Variants in SNX13 observed in about 807,000 individuals in gnomAD.
SNX13 encodes sorting nexin 13.
SNX13 carries 45 observed loss-of-function variants against 133.6 expected under a neutral mutation model. That is an observed-to-expected ratio of 0.34 (90% CI 0.27 to 0.43). SNX13 has a LOEUF of 0.43. Among genes scored for constraint, SNX13 ranks in the 20% least tolerant of loss-of-function variants. The probability of loss-of-function intolerance (pLI) is 1.00; values close to 1 mark genes in which losing one functional copy is unlikely to be tolerated. For missense variants in SNX13, 1,032 were observed against 1,145.1 expected (o/e 0.90, Z 1.43); for synonymous variants, 414 against 373.9 (o/e 1.11, Z -1.24).
At chr7:17,898,568 C>A (rs1398692324) in intron 1 of SNX13, among the ~76,000 whole-genome samples, 1 of 152,146 alleles carries the variant, frequency 6.6e-6, no homozygotes, top group East Asian at 1.9e-4. Context: ...GAAAGAAACA[C>A]AAGCATACCC....
chr7:17,928,344 A>G (rs1036344074), intron 1 of SNX13, among the ~76,000 whole-genome samples: 1 of 152,192 alleles, frequency 6.6e-6, no homozygotes, highest in South Asian at 2.1e-4. Context: ...AAATATATAT[A>G]TTAAGTGCTT....
At chr7:17,940,224 G>T (rs778565759) in intron 1 of SNX13, 60 bp downstream of exon 1, 2 of 1,550,696 alleles carry the variant, frequency 1.3e-6, no homozygotes, top group East Asian at 2.4e-5. Flanking sequence ...GTTCTCTGAC[G>T]GGCTGGCGCC....
At chr7:17,845,057 G>A (rs1371420263) in intron 12 of SNX13, among the ~76,000 whole-genome samples, 3 of 152,144 alleles carry the variant, frequency 2.0e-5, no homozygotes, top group East Asian at 3.9e-4. Context: ...TTGCCACTTC[G>A]TTTCAACATA....
intron 8 of SNX13, among the ~76,000 whole-genome samples, chr7:17,870,709 T>C (rs925419838): frequency 1.3e-5 from 2 of 152,220 alleles, no homozygotes; most frequent in East Asian, 1.9e-4. Flanking sequence ...ATGTGCCAAG[T>C]ATCACGTTAA....
At position 17,792,793 on chromosome 7, in the gene SNX13, A is replaced by G. The variant is rs1783673489; in HGVS notation, c.*1252T>C. On this transcript the variant is annotated 3_prime_UTR_variant, in exon 26 of 26. Transcript: ENST00000428135. ...AGGGATGTGAATACTTCTAAGATGG[A>G]TAAAATGGACAGTCAGAAAACTATA... The G allele has an allele frequency of 6.6e-6, 1 of 152,364 alleles. No individual in the cohort carries two copies. Among genetic ancestry groups the G allele is most frequent in the Non-Finnish European group, 1.5e-5 (1 of 67,874 alleles). 9.4% of individuals were successfully genotyped at this position (152,364 alleles called of 1,614,324 possible).
intron 9 of SNX13, among the ~76,000 whole-genome samples, chr7:17,866,621 C>T (rs1793427444): frequency 6.6e-6 from 1 of 152,004 alleles, no homozygotes; most frequent in African/African-American, 2.4e-5. Context: ...TAACCATGCA[C>T]AGCAGGCCAA....
intron 9 of SNX13, among the ~76,000 whole-genome samples, chr7:17,861,342 T>TCTCACACA (rs1385021153): frequency 1.0e-4 from 15 of 143,242 alleles, no homozygotes; most frequent in Admixed American, 9.1e-4. Context: ...TACAGTTATC[T>TCTCACACA]CACACACACA....
chr7:17,834,611 T>C (rs986533371), intron 14 of SNX13, 150 bp downstream of exon 14: 4 of 473,714 alleles, frequency 8.4e-6, no homozygotes, highest in Non-Finnish European at 1.5e-5. Context: ...AAAATACTGG[T>C]TTACATTTCT....
chr7:17,912,935 A>G (rs183439321), intron 1 of SNX13, among the ~76,000 whole-genome samples: 6 of 152,290 alleles, frequency 3.9e-5, no homozygotes, highest in Admixed American at 2.6e-4. Flanking sequence ...GAGCAGGAAG[A>G]GACTTGTGAA....
intron 1 of SNX13, among the ~76,000 whole-genome samples, chr7:17,924,527 T>C (rs1800510021): frequency 1.3e-5 from 2 of 152,292 alleles, no homozygotes; most frequent in East Asian, 3.9e-4. Context: ...AAATGTAAAA[T>C]AGTGCAGCCA....
At chr7:17,835,801 T>C (rs1464418106) in intron 13 of SNX13, among the ~76,000 whole-genome samples, 1 of 152,006 alleles carries the variant, frequency 6.6e-6, no homozygotes, top group Admixed American at 6.6e-5. Context: ...CAACTTCTAA[T>C]GCCCCACTGT....
At chr7:17,938,438 A>C (rs967277244) in intron 1 of SNX13, among the ~76,000 whole-genome samples, 1 of 152,208 alleles carries the variant, frequency 6.6e-6, no homozygotes, top group Non-Finnish European at 1.5e-5. Flanking sequence ...ACTACTGAAA[A>C]CTATAGGGAA....
At chr7:17,875,926 C>T (rs1794679301) in intron 5 of SNX13, 136 bp from the exon 6 acceptor site, 2 of 637,330 alleles carry the variant, frequency 3.1e-6, no homozygotes, top group Admixed American at 7.1e-5. Context: ...TTCATTATTA[C>T]CTGTTAGTAC....
At chr7:17,937,090 AT>A (rs1037115698) in intron 1 of SNX13, among the ~76,000 whole-genome samples, 6 of 151,358 alleles carry the variant, frequency 4.0e-5, no homozygotes, top group Non-Finnish European at 7.4e-5. Context: ...AAAAAAAAAA[AT>A]ACATACATAA....
intron 8 of SNX13, among the ~76,000 whole-genome samples, chr7:17,871,985 A>G (rs983521517): frequency 2.0e-5 from 3 of 152,174 alleles, no homozygotes; most frequent in African/African-American, 7.2e-5. Context: ...GGCACACAGG[A>G]TATGGAGGTA....
At position 17,839,872 on chromosome 7, in the gene SNX13, T is replaced by C. The variant is rs1406378160; in HGVS notation, c.1294A>G (p.Asn432Asp). Reference sequence around the variant, plus strand: ...GCTCTTAAAAGACCTTTGGTTTGGTTGGTTTGATGTTTTCCATCTCTCTGA... The same window carrying C: ...GCTCTTAAAAGACCTTTGGTTTGGTCGGTTTGATGTTTTCCATCTCTCTGA... ...SRQRDGKHQT[N>D]QTKGLLRAAA... The change falls in exon 13 of 26, where the codon AAC (asparagine) becomes GAC (aspartate). Residue 432 changes from asparagine (N) to aspartate (D), a missense_variant. Physicochemically the swap from Asn to Asp is conservative, Grantham distance 23. Coordinates refer to ENST00000428135, the MANE Select transcript of SNX13 (RefSeq NM_015132.5). 6.2e-7 allele frequency: 1 copy of C among 1,611,746 alleles called. No individual in the cohort carries two copies. Among genetic ancestry groups the C allele is most frequent in the Non-Finnish European group, 8.5e-7 (1 of 1,178,618 alleles).
chr7:17,899,105 A>T (rs1797537006), intron 1 of SNX13: 1 of 152,170 alleles, frequency 6.6e-6, no homozygotes, highest in South Asian at 2.1e-4. Flanking sequence ...ACTTTGCTGA[A>T]GTTCCTAATC....
At chr7:17,868,317 A>G in intron 9 of SNX13, 90 bp downstream of exon 9, 1 of 860,686 alleles carries the variant, frequency 1.2e-6, no homozygotes, top group Non-Finnish European at 1.8e-6. Context: ...TCTTTAATAA[A>G]TTACTGCTTA....
At chr7:17,848,875 T>C (rs1418167598) in intron 11 of SNX13, among the ~76,000 whole-genome samples, 1 of 152,224 alleles carries the variant, frequency 6.6e-6, no homozygotes, top group Non-Finnish European at 1.5e-5. Context: ...CCTGCTTCAA[T>C]ATCACATGCT....
Sources: gnomAD v4.1 joint callset for allele counts (sites outside exome capture counted in the v4.1 genomes callset) on GRCh38, gnomAD v4.1.1 for gene constraint, MANE v1.5 for transcripts, NCBI Gene and HGNC (gene_info 2026-07-23, HGNC 2026-07-21) for gene names.